ASIC2: variants seen among roughly 807,000 people sequenced by gnomAD.
ASIC2 encodes the protein acid sensing ion channel subunit 2.
A neutral mutation model predicts 57.3 loss-of-function variants in ASIC2; 25 were observed. That is an observed-to-expected ratio of 0.44 (90% CI 0.32 to 0.61). The LOEUF (loss-of-function observed/expected upper bound fraction) is 0.61, where lower values mean the gene tolerates loss of function less well. Among genes scored for constraint, ASIC2 ranks in the 20% least tolerant of loss-of-function variants. The pLI is 0.06. For missense variants in ASIC2, 641 were observed against 738.1 expected (o/e 0.87, Z 1.52); for synonymous variants, 319 against 307.5 (o/e 1.04, Z -0.39).
At chr17:33,424,553 T>A (rs952429637) in intron 1 of ASIC2, among the ~76,000 whole-genome samples, 1 of 152,204 alleles carries the variant, frequency 6.6e-6, no homozygotes, top group Non-Finnish European at 1.5e-5. Context: ...TGAAAATAAT[T>A]TGGGAAGCTA....
intron 1 of ASIC2, among the ~76,000 whole-genome samples, chr17:33,813,323 A>G (rs1409183345): frequency 1.3e-5 from 2 of 152,212 alleles, no homozygotes; most frequent in East Asian, 1.9e-4. Flanking sequence ...ACAGGGTGAC[A>G]TCAGATGGTC....
chr17:33,991,397 C>T (rs753525449), intron 1 of ASIC2, among the ~76,000 whole-genome samples: 3 of 152,168 alleles, frequency 2.0e-5, no homozygotes, highest in Non-Finnish European at 4.4e-5. Context: ...TCTACACTAC[C>T]ACTGTGTCTT....
intron 1 of ASIC2, among the ~76,000 whole-genome samples, chr17:33,996,517 G>T (rs1331659230): frequency 6.6e-6 from 1 of 152,088 alleles, no homozygotes; most frequent in East Asian, 1.9e-4. Context: ...TGCATTTCAA[G>T]TTAATTTTTT....
At chr17:33,068,433 T>C (rs529774966) in intron 3 of ASIC2, among the ~76,000 whole-genome samples, 1 of 152,300 alleles carries the variant, frequency 6.6e-6, no homozygotes, top group East Asian at 1.9e-4. Context: ...CTCAGGAGGC[T>C]GAGGCAGGAG....
chr17:33,684,174 C>G (rs1044333011), intron 1 of ASIC2, among the ~76,000 whole-genome samples: 4 of 152,188 alleles, frequency 2.6e-5, no homozygotes, highest in Non-Finnish European at 4.4e-5. Context: ...AGGCTAGAAC[C>G]TGGTCTACAA....
At chr17:33,464,838 T>C (rs528015954) in intron 1 of ASIC2, among the ~76,000 whole-genome samples, 1 of 151,946 alleles carries the variant, frequency 6.6e-6, no homozygotes, top group African/African-American at 2.4e-5. Flanking sequence ...AATCTCACCA[T>C]AGCATCTCTA....
intron 1 of ASIC2, among the ~76,000 whole-genome samples, chr17:33,892,462 T>C (rs2141948106): frequency 6.6e-6 from 1 of 152,108 alleles, no homozygotes; most frequent in South Asian, 2.1e-4. Context: ...CCTGGCAACC[T>C]CCTCATCAGC....
In ASIC2 at chr17:33,130,311, C is replaced by T. The variant is rs560778992; in HGVS notation, c.709-18244G>A. On this transcript the variant is annotated intron_variant, in intron 1 of 9. Transcript: ENST00000225823. Reference sequence around the variant, plus strand: ...TCCCCTTCCTCCCCCTCCTCATCTTCAGGTAAAGGATAGAAGTGGGCATAG... The same window carrying T: ...TCCCCTTCCTCCCCCTCCTCATCTTTAGGTAAAGGATAGAAGTGGGCATAG... 9.9e-5 allele frequency among the ~76,000 whole-genome samples: 15 copies of T among 152,230 alleles called. No individual in the cohort carries two copies. In the South Asian group the frequency reaches 3.1e-3, roughly 32 times the overall value.
intron 1 of ASIC2, among the ~76,000 whole-genome samples, chr17:33,323,830 T>G (rs1195257703): frequency 6.6e-6 from 1 of 152,228 alleles, no homozygotes; most frequent in Non-Finnish European, 1.5e-5. Flanking sequence ...CTATTATAAG[T>G]CAGAACGGTA....
At chr17:33,405,782 A>C (rs1417888796) in intron 1 of ASIC2, among the ~76,000 whole-genome samples, 1 of 152,036 alleles carries the variant, frequency 6.6e-6, no homozygotes, top group East Asian at 1.9e-4. Flanking sequence ...ACACCGGGCC[A>C]AGACAGCACT....
chr17:33,495,158 G>A (rs559767565), intron 1 of ASIC2, among the ~76,000 whole-genome samples: 4 of 152,332 alleles, frequency 2.6e-5, no homozygotes, highest in African/African-American at 9.6e-5. Flanking sequence ...CCAAATGCAA[G>A]TTCTGCCCCT....
At chr17:33,086,184 T>G (rs1439498560) in intron 3 of ASIC2, among the ~76,000 whole-genome samples, 2 of 152,166 alleles carry the variant, frequency 1.3e-5, no homozygotes, top group East Asian at 3.8e-4. Flanking sequence ...CAGCCAGGGC[T>G]AGGGGAGGAA....
intron 1 of ASIC2, among the ~76,000 whole-genome samples, chr17:33,225,518 A>G (rs1041610953): frequency 1.3e-5 from 2 of 152,228 alleles, no homozygotes; most frequent in African/African-American, 4.8e-5. Flanking sequence ...AAAATCATTA[A>G]TAAGAGTAAG....
chr17:34,010,975 C>CACACACACACACAG (rs1906699214), intron 1 of ASIC2, among the ~76,000 whole-genome samples: 1 of 3,172 alleles, frequency 3.2e-4, no homozygotes, highest in Admixed American at 4.6e-3. Flanking sequence ...CATGCACACG[C>CACACACACACACAG]ACACACACAT....
intron 1 of ASIC2, chr17:34,004,099 G>A (rs1906442423): frequency 1.3e-5 from 2 of 152,164 alleles, no homozygotes; most frequent in South Asian, 4.2e-4. Flanking sequence ...GGACCCTTTG[G>A]ATGAGAGTTT....
At chr17:33,606,779 G>A (rs1905242319) in intron 1 of ASIC2, among the ~76,000 whole-genome samples, 1 of 152,186 alleles carries the variant, frequency 6.6e-6, no homozygotes, top group South Asian at 2.1e-4. Flanking sequence ...AGAAGGAGGA[G>A]GGTATATACC....
intron 1 of ASIC2, among the ~76,000 whole-genome samples, chr17:33,429,883 T>C (rs972640668): frequency 6.6e-6 from 1 of 152,166 alleles, no homozygotes; most frequent in African/African-American, 2.4e-5. Flanking sequence ...GGTGGCCCAG[T>C]GGCAATTGGT....
intron 1 of ASIC2, among the ~76,000 whole-genome samples, chr17:33,285,464 T>C (rs1242190679): frequency 6.6e-6 from 1 of 152,242 alleles, no homozygotes; most frequent in Non-Finnish European, 1.5e-5. Context: ...ATCTGCACTA[T>C]TTGAGCTCTC....
At chr17:33,109,828 T>G (rs2092249572) in intron 2 of ASIC2, among the ~76,000 whole-genome samples, 1 of 152,206 alleles carries the variant, frequency 6.6e-6, no homozygotes, top group Admixed American at 6.5e-5. Flanking sequence ...CATCATTACT[T>G]CAAGCCAGGC....
Sources: gnomAD v4.1 joint callset for allele counts (sites outside exome capture counted in the v4.1 genomes callset) on GRCh38, gnomAD v4.1.1 for gene constraint, MANE v1.5 for transcripts, NCBI Gene and HGNC (gene_info 2026-07-23, HGNC 2026-07-21) for gene names.